PARG: variants seen among roughly 807,000 people sequenced by gnomAD.
The protein encoded by PARG is mitochondrial poly(ADP-ribose) glycohydrolase.
Under a neutral mutation model 113.0 loss-of-function variants are expected in PARG, and 35 were observed. The ratio of observed to expected loss-of-function variants is 0.31; its 90% CI spans 0.24 to 0.41. The LOEUF (loss-of-function observed/expected upper bound fraction) is 0.41, where lower values mean the gene tolerates loss of function less well. PARG is among the 10% of genes least tolerant of loss of function. PARG has a pLI of 1.00. For synonymous variants in PARG, 330 were observed against 409.9 expected, an observed-to-expected ratio of 0.81 and a Z score of 2.36; for missense variants, 797 against 1,169.4, an observed-to-expected ratio of 0.68 and a Z score of 4.64.
In PARG at chr10:49,819,237, G is replaced by T; in HGVS notation, c.*103C>A. 2 of 918,646 alleles carry T rather than the reference G, an allele frequency of 2.2e-6. No homozygotes were observed. The highest frequency in any genetic ancestry group is 3.3e-6 in the Non-Finnish European group (2 of 610,842). 56.9% of individuals were successfully genotyped at this position (918,646 alleles called of 1,614,324 possible). A position where few individuals can be genotyped will look rare whatever the true frequency, so the allele number is the denominator to read the frequency against. On this transcript the variant is annotated 3_prime_UTR_variant, in exon 18 of 18. Transcript: ENST00000616448. ...GTCCTTGACTACAAATGTGGATTAT[G>T]TACACATTTATATTAACTTAAGTCA...
chr10:49,900,235 T>C (rs1848291744), intron 7 of PARG, among the ~76,000 whole-genome samples: 1 of 151,692 alleles, frequency 6.6e-6, no homozygotes, highest in Non-Finnish European at 1.5e-5. Context: ...ACCACAACCC[T>C]ACTTCCAATC....
intron 7 of PARG, among the ~76,000 whole-genome samples, chr10:49,901,697 C>T (rs1185373422): frequency 9.9e-5 from 15 of 151,924 alleles, no homozygotes; most frequent in African/African-American, 2.4e-4. Flanking sequence ...AAAACAAATG[C>T]TATTACAATG....
intron 7 of PARG, among the ~76,000 whole-genome samples, chr10:49,887,138 C>T (rs1282865591): frequency 2.7e-4 from 41 of 151,762 alleles, no homozygotes; most frequent in African/African-American, 8.2e-4. Context: ...TAACCTTGAA[C>T]TCCTGGGCTC....
At position 49,865,163 on chromosome 10, in the gene PARG, G is replaced by A. The variant is rs1554836608; in HGVS notation, c.2129+158C>T. 3.3e-5 allele frequency among the ~76,000 whole-genome samples: 5 copies of A among 152,174 alleles called. No homozygotes were observed. In the South Asian group the frequency reaches 1.0e-3, roughly 32 times the overall value. On this transcript the variant is annotated intron_variant, in intron 11 of 17. Transcript: ENST00000616448. ...AGGCATAACCTTTTCAAACATGAGAGCTATCAATGGATCATTTATGAGAAG... is the reference window on the plus strand; with the variant it reads ...AGGCATAACCTTTTCAAACATGAGAACTATCAATGGATCATTTATGAGAAG...
chr10:49,862,086 C>CAT (rs1846279924), intron 11 of PARG, among the ~76,000 whole-genome samples: 3 of 142,956 alleles, frequency 2.1e-5, no homozygotes, highest in African/African-American at 8.0e-5. Context: ...GTTTCATAAC[C>CAT]GTGTGTGTGT....
At chr10:49,907,142 G>A (rs1588971818) in intron 7 of PARG, among the ~76,000 whole-genome samples, 3 of 152,136 alleles carry the variant, frequency 2.0e-5, no homozygotes, top group Admixed American at 1.3e-4. Context: ...TCATTATGCT[G>A]GAAATGGCCC....
chr10:49,859,129 A>G (rs1213754938), intron 12 of PARG, among the ~76,000 whole-genome samples: 1 of 146,630 alleles, frequency 6.8e-6, no homozygotes, highest in East Asian at 2.1e-4. Flanking sequence ...CTGAGGGCAT[A>G]GCTGCACAAG....
intron 15 of PARG, among the ~76,000 whole-genome samples, chr10:49,840,300 A>T (rs985088624): frequency 6.6e-6 from 1 of 151,914 alleles, no homozygotes; most frequent in East Asian, 1.9e-4. Context: ...AGATGGGAGG[A>T]TCACCTGAGC....
intron 16 of PARG, among the ~76,000 whole-genome samples, chr10:49,828,610 C>T (rs1844491787): frequency 6.6e-6 from 1 of 152,202 alleles, no homozygotes; most frequent in Non-Finnish European, 1.5e-5. Context: ...GGGCCACTGG[C>T]TGCCTGAGGA....
At chr10:49,914,113 T>C (rs1327429139) in intron 7 of PARG, among the ~76,000 whole-genome samples, 4 of 152,154 alleles carry the variant, frequency 2.6e-5, no homozygotes, top group African/African-American at 9.7e-5. Context: ...GTCTGAGTAT[T>C]CTGATTAAGA....
intron 4 of PARG, among the ~76,000 whole-genome samples, chr10:49,931,325 G>A (rs1313495548): frequency 1.3e-5 from 2 of 151,986 alleles, no homozygotes; most frequent in African/African-American, 4.8e-5. Flanking sequence ...GACTGCCACC[G>A]TAGGACTAAC....
intron 16 of PARG, among the ~76,000 whole-genome samples, chr10:49,828,854 GAC>G (rs1554829867): frequency 1.3e-5 from 2 of 152,126 alleles, no homozygotes; most frequent in Admixed American, 6.5e-5. Flanking sequence ...TAGCCTGGGT[GAC>G]ACAATGAGAC....
chr10:49,879,863 A>G (rs782787066), intron 8 of PARG, 33 bp from the exon 9 acceptor site: 12 of 867,342 alleles, frequency 1.4e-5, no homozygotes, highest in Non-Finnish European at 2.3e-5. Context: ...ACAGACGAGA[A>G]GAGCAATAAT....
chr10:49,831,233 A>AT (rs35588082), intron 16 of PARG, among the ~76,000 whole-genome samples: 44,079 of 151,882 alleles, frequency 0.29, 6,649 homozygotes, highest in Non-Finnish European at 0.32. Context: ...GATTAAAAAA[A>AT]AATAATAAAT....
chr10:49,932,188 G>T lies in PARG; in HGVS notation c.1367C>A (p.Thr456Asn). The change falls in exon 4 of 18, where the codon ACT becomes AAT. Residue 456 changes from threonine (T) to asparagine (N), a missense_variant. Physicochemically the swap from Thr to Asn is moderately conservative, Grantham distance 65 (BLOSUM62 0). This residue lies in a region of PARG where 252 missense variants were observed against 437.4 expected (regional missense o/e 0.58). Transcript: ENST00000616448. ...CATTCTTCTCATCTCCTCAATGGGA[G>T]TTCCAAGCCACTTCTTATCTGGAGA... ...HLSPDKKWLGTPIEEMRRMPR... is the reference protein window; with the variant it reads ...HLSPDKKWLGNPIEEMRRMPR... 6.2e-7 allele frequency: 1 copy of T among 1,602,772 alleles called. No individual in the cohort carries two copies. Among genetic ancestry groups the T allele is most frequent in the South Asian group, 1.1e-5 (1 of 90,836 alleles).
intron 10 of PARG, among the ~76,000 whole-genome samples, chr10:49,869,273 C>T (rs1379816646): frequency 1.3e-5 from 2 of 152,114 alleles, no homozygotes; most frequent in East Asian, 3.9e-4. Flanking sequence ...GTATGTAAAC[C>T]CCGCCCCCCT....
At chr10:49,854,097 G>A (rs1845878294) in intron 13 of PARG, among the ~76,000 whole-genome samples, 1 of 149,560 alleles carries the variant, frequency 6.7e-6, no homozygotes, top group South Asian at 2.2e-4. Context: ...ACTTTGCAGT[G>A]TTTTATTTGC....
chr10:49,853,275 A>G (rs1845840606), intron 13 of PARG, among the ~76,000 whole-genome samples: 1 of 151,688 alleles, frequency 6.6e-6, no homozygotes, highest in African/African-American at 2.4e-5. Context: ...TGACCTCATG[A>G]TCCGCCCGCC....
intron 13 of PARG, among the ~76,000 whole-genome samples, chr10:49,843,839 A>G (rs1200221655): frequency 1.3e-5 from 2 of 152,258 alleles, no homozygotes; most frequent in Admixed American, 1.3e-4. Context: ...ATGCTTGTTT[A>G]CATAGCAAAT....
Sources: allele counts gnomAD v4.1 joint callset (sites outside exome capture counted in the v4.1 genomes callset), GRCh38; gene constraint gnomAD v4.1.1; regional missense constraint gnomAD v4.1.1; transcripts MANE v1.5; gene names NCBI Gene and HGNC (gene_info 2026-07-23, HGNC 2026-07-21).